Variants in GREB1L observed in about 807,000 individuals in gnomAD.
GREB1L encodes GREB1-like protein.
GREB1L carries 17 observed loss-of-function variants against 200.8 expected under a neutral mutation model. The ratio of observed to expected loss-of-function variants is 0.08; its 90% CI spans 0.06 to 0.13. The LOEUF is 0.13. Among genes scored for constraint, GREB1L ranks in the 10% least tolerant of loss-of-function variants. The pLI is 1.00. For missense variants in GREB1L, 1,657 were observed against 2,367.7 expected (o/e 0.70, Z 6.23); for synonymous variants, 789 against 893.0 (o/e 0.88, Z 2.08).
At chr18:21,253,017 G>T (rs2037737534) in intron 1 of GREB1L, among the ~76,000 whole-genome samples, 1 of 152,092 alleles carries the variant, frequency 6.6e-6, no homozygotes, top group Non-Finnish European at 1.5e-5. Flanking sequence ...ATTTAATTTT[G>T]ATATCAGTTG....
chr18:21,329,972 G>T (rs1030652973), intron 1 of GREB1L, among the ~76,000 whole-genome samples: 2 of 141,610 alleles, frequency 1.4e-5, no homozygotes, highest in South Asian at 2.2e-4. Flanking sequence ...TTTTTTTTGG[G>T]GGGGGGGGGT....
At chr18:21,502,546 AT>A (rs1166406535) in intron 23 of GREB1L, among the ~76,000 whole-genome samples, 3 of 152,204 alleles carry the variant, frequency 2.0e-5, no homozygotes, top group Non-Finnish European at 4.4e-5. Flanking sequence ...AATCAGCCAT[AT>A]TTAACCACTT....
chr18:21,364,927 A>G (rs1003506702), intron 1 of GREB1L, among the ~76,000 whole-genome samples: 1 of 151,940 alleles, frequency 6.6e-6, no homozygotes, highest in African/African-American at 2.4e-5. Context: ...CATATGGGGT[A>G]ATCTTGGGTT....
At chr18:21,397,700 G>GAAA (rs978182385) in intron 5 of GREB1L, among the ~76,000 whole-genome samples, 1 of 151,920 alleles carries the variant, frequency 6.6e-6, no homozygotes, top group Non-Finnish European at 1.5e-5. Flanking sequence ...GACTGTCTCA[G>GAAA]AAAAAAAGAA....
chr18:21,522,004 C>A (rs867823968), intron 32 of GREB1L, among the ~76,000 whole-genome samples: 44 of 30,978 alleles, frequency 1.4e-3, no homozygotes, highest in South Asian at 8.6e-3. Context: ...ACTCCGTCTC[C>A]AAAAAAAAAA....
At chr18:21,511,612 C>T (rs970437743) in intron 27 of GREB1L, among the ~76,000 whole-genome samples, 1 of 152,032 alleles carries the variant, frequency 6.6e-6, no homozygotes, top group African/African-American at 2.4e-5. Flanking sequence ...AAGGGTCCAA[C>T]TTCATTCTTT....
At chr18:21,422,342 G>A (rs1397669161) in intron 7 of GREB1L, among the ~76,000 whole-genome samples, 1 of 152,114 alleles carries the variant, frequency 6.6e-6, no homozygotes, top group African/African-American at 2.4e-5. Context: ...ATACCTATGT[G>A]CGTGTGTATA....
At chr18:21,459,561 AC>A (rs2034943159) in intron 15 of GREB1L, among the ~76,000 whole-genome samples, 2 of 152,178 alleles carry the variant, frequency 1.3e-5, no homozygotes, top group East Asian at 3.9e-4. Context: ...TGCTGGGATT[AC>A]AGGAGTGAGC....
At chr18:21,451,351 A>C in intron 13 of GREB1L, 200 bp downstream of exon 13, 1 of 475,464 alleles carries the variant, frequency 2.1e-6, no homozygotes, top group Non-Finnish European at 3.6e-6. Context: ...TTGGTACTGG[A>C]TTCAAAAGTC....
chr18:21,380,687 A>G (rs2040268016), intron 2 of GREB1L: 1 of 152,162 alleles, frequency 6.6e-6, no homozygotes, highest in Non-Finnish European at 1.5e-5. Flanking sequence ...TGTGAAATGG[A>G]AAGAGGTCAT....
intron 15 of GREB1L, among the ~76,000 whole-genome samples, chr18:21,459,279 C>CTTTTTTTTTTTTTTTTTTTTTTTTTCT (rs746568414): frequency 3.5e-5 from 3 of 85,918 alleles, no homozygotes; most frequent in African/African-American, 5.1e-5. Flanking sequence ...TTTTTCTTTA[C>CTTTTTTTTTTTTTTTTTTTTTTTTTCT]TTTTTTTTTT....
At chr18:21,368,530 C>G (rs536258499) in intron 2 of GREB1L, among the ~76,000 whole-genome samples, 24 of 152,240 alleles carry the variant, frequency 1.6e-4, no homozygotes, top group African/African-American at 5.5e-4. Context: ...AGCAAAGTCT[C>G]CTTCTTTTAT....
At chr18:21,367,453 G>T (rs2039718293) in intron 2 of GREB1L, among the ~76,000 whole-genome samples, 1 of 152,156 alleles carries the variant, frequency 6.6e-6, no homozygotes, top group Non-Finnish European at 1.5e-5. Flanking sequence ...AGCAGAAAGC[G>T]GTAGCGGGTG....
chr18:21,248,424 C>T (rs1277058582), intron 1 of GREB1L, among the ~76,000 whole-genome samples: 1 of 152,134 alleles, frequency 6.6e-6, no homozygotes, highest in Non-Finnish European at 1.5e-5. Context: ...AGATAACTTC[C>T]AACCCCTGAG....
chr18:21,470,755 A>G (rs1022587939), intron 15 of GREB1L, among the ~76,000 whole-genome samples: 2 of 152,228 alleles, frequency 1.3e-5, no homozygotes, highest in African/African-American at 2.4e-5. Flanking sequence ...CACAATATGC[A>G]TAGAAAAAAA....
At chr18:21,270,886 T>C (rs1175797143) in intron 1 of GREB1L, among the ~76,000 whole-genome samples, 1 of 152,222 alleles carries the variant, frequency 6.6e-6, no homozygotes, top group African/African-American at 2.4e-5. Flanking sequence ...GATTGTGTCA[T>C]TTCATCCTTA....
At chr18:21,333,322 A>T (rs1598666355) in intron 1 of GREB1L, among the ~76,000 whole-genome samples, 1 of 152,290 alleles carries the variant, frequency 6.6e-6, no homozygotes, top group East Asian at 1.9e-4. Flanking sequence ...ATAATGTATT[A>T]TCTTAGTTAC....
chr18:21,441,524 A>G lies in GREB1L; in HGVS notation c.1194A>G (p.Pro398=), dbSNP rs1217940964. 1.2e-5 allele frequency: 19 copies of G among 1,550,266 alleles called. No homozygotes were observed. Among genetic ancestry groups the G allele is most frequent in the Non-Finnish European group, 1.5e-5 (17 of 1,146,586 alleles). The change falls in exon 10 of 33, where the codon CCA becomes CCG. Residue 398 remains proline, a synonymous_variant. Transcript: ENST00000424526. ...ENLLSNSGVR[P]VILIGYGTLP... ...TGCTGAGTAACTCAGGAGTTAGACC[A>G]GTAATTCTGATAGGTAAGGTAATGG...
chr18:21,452,402 T>C (rs2034569498), intron 14 of GREB1L, 185 bp downstream of exon 14: 8 of 556,398 alleles, frequency 1.4e-5, no homozygotes, highest in Non-Finnish European at 2.1e-5. Flanking sequence ...ATCAAAGGCT[T>C]TGTTCCTAGT....
Sources: allele counts gnomAD v4.1 joint callset (sites outside exome capture counted in the v4.1 genomes callset), GRCh38; gene constraint gnomAD v4.1.1; transcripts MANE v1.5; gene names NCBI Gene and HGNC (gene_info 2026-07-23, HGNC 2026-07-21).